The following LOC101059915 variants were observed in gnomAD, a reference collection of about 807,000 sequenced individuals.
chrX:71,669,067 C>T, the LOC101059915 span: 1 of 1,133,406 alleles, frequency 8.8e-7, no homozygotes, highest in Non-Finnish European at 1.2e-6. Context: ...GCGCACTCCT[C>T]CTTCTCCTCC....
chrX:71,668,746 CG>C, the LOC101059915 span: 4 of 1,071,958 alleles, frequency 3.7e-6, no homozygotes, highest in Non-Finnish European at 4.8e-6. Flanking sequence ...GCCCCTACCC[CG>C]GGGCACTCTG....
At chrX:71,668,157 C>T in the LOC101059915 span, 1 of 1,133,462 alleles carries the variant, frequency 8.8e-7, no homozygotes, top group African/African-American at 1.8e-5. Flanking sequence ...CGTCCAGCGT[C>T]CAGGGACACC....
At chrX:71,671,043 T>C in the LOC101059915 span, 992 of 752,917 alleles carry the variant, frequency 1.3e-3, 6 homozygotes, top group African/African-American at 0.021. Flanking sequence ...ACCACTTTCC[T>C]GCTTAGAAGG....
At chrX:71,671,432 C>T in the LOC101059915 span, 49 of 442,439 alleles carry the variant, frequency 1.1e-4, no homozygotes, top group South Asian at 2.0e-3. Flanking sequence ...GGGTTCCCTC[C>T]ATATCCTGTT....
At chrX:71,668,700 G>C in the LOC101059915 span, 1 of 1,075,777 alleles carries the variant, frequency 9.3e-7, no homozygotes, top group African/African-American at 1.9e-5. Context: ...GAAAGAGGGG[G>C]GTCAGGCCCA....
the LOC101059915 span, chrX:71,669,562 C>T: frequency 3.1e-6 from 3 of 958,214 alleles, no homozygotes; most frequent in African/African-American, 6.1e-5. Context: ...GTTTTAGCTT[C>T]CCACACAGAA....
At chrX:71,668,488 G>A in the LOC101059915 span, 61 of 1,152,410 alleles carry the variant, frequency 5.3e-5, 3 homozygotes, top group South Asian at 1.1e-3. Context: ...CACCAAAGAA[G>A]GAAGCCAGGC....
the LOC101059915 span, chrX:71,670,420 C>A: frequency 8.7e-7 from 1 of 1,148,386 alleles, no homozygotes; most frequent in Non-Finnish European, 1.2e-6. Flanking sequence ...CGGTGTCTCC[C>A]CAATCCCCTC....
the LOC101059915 span, chrX:71,667,814 C>T: frequency 2.1e-5 from 22 of 1,068,264 alleles, no homozygotes; most frequent in East Asian, 3.6e-5. Context: ...ATGAGCTCCA[C>T]GGATGAAGTG....
At chrX:71,670,762 T>C in the LOC101059915 span, 6 of 1,079,140 alleles carry the variant, frequency 5.6e-6, no homozygotes, top group Non-Finnish European at 6.0e-6. Context: ...TGGGACTGAC[T>C]TCCTCTGGGG....
chrX:71,671,399 G>A, the LOC101059915 span: 1 of 572,273 alleles, frequency 1.7e-6, no homozygotes, highest in East Asian at 3.8e-5. Flanking sequence ...GCTACCTTTG[G>A]AGCTCCGGAG....
chrX:71,668,333 A>G, the LOC101059915 span: 26 of 1,137,251 alleles, frequency 2.3e-5, no homozygotes, highest in Non-Finnish European at 2.8e-5. Flanking sequence ...GCCTGGGAGA[A>G]CCCAGAAAGG....
At chrX:71,668,575 G>T in the LOC101059915 span, 1 of 1,112,688 alleles carries the variant, frequency 9.0e-7, no homozygotes, top group Non-Finnish European at 1.2e-6. Context: ...TTACCTTCAG[G>T]TTCAGGGACC....
the LOC101059915 span, chrX:71,671,327 C>T: frequency 3.9e-6 from 4 of 1,031,480 alleles, no homozygotes; most frequent in Non-Finnish European, 5.2e-6. Context: ...GGCTGGGGGC[C>T]CATCCCTGAG....
At chrX:71,669,595 G>C in the LOC101059915 span, 1 of 962,613 alleles carries the variant, frequency 1.0e-6, no homozygotes, top group Non-Finnish European at 1.3e-6. Context: ...TTCTCTGTCC[G>C]TGCGTCGTGG....
the LOC101059915 span, chrX:71,669,089 T>C: frequency 5.3e-4 from 587 of 1,112,644 alleles, 2 homozygotes; most frequent in African/African-American, 7.6e-3. Flanking sequence ...TGCTCTCCTC[T>C]TCCTCTTTCT....
chrX:71,669,472 T>C, the LOC101059915 span: 1 of 788,288 alleles, frequency 1.3e-6, no homozygotes, highest in Non-Finnish European at 1.6e-6. Context: ...AAGATTAGTC[T>C]GGGGTCTCCA....
the LOC101059915 span, chrX:71,667,797 G>A: frequency 3.8e-6 from 4 of 1,054,036 alleles, no homozygotes; most frequent in African/African-American, 1.9e-5. Context: ...CTAGACTGGC[G>A]GGCGCCATGA....
chrX:71,670,271 A>G, the LOC101059915 span: 2 of 1,166,152 alleles, frequency 1.7e-6, no homozygotes, highest in Admixed American at 5.2e-5. Flanking sequence ...ACTGGCAGCC[A>G]CCTGTCCATC....
Sources: allele counts gnomAD v4.1 joint callset, GRCh38; gene constraint gnomAD v4.1.1; transcripts MANE v1.5.